Variants in PLXDC2 observed in about 807,000 individuals in gnomAD.
PLXDC2 encodes plexin domain-containing protein 2.
PLXDC2 carries 40 observed loss-of-function variants against 68.9 expected under a neutral mutation model. The observed-to-expected ratio is 0.58, with a 90% confidence interval of 0.45 to 0.76. The LOEUF is 0.76. PLXDC2 is among the 30% of genes least tolerant of loss of function. PLXDC2 has a pLI of 0.00. For synonymous variants in PLXDC2, 243 were observed against 234.2 expected, an observed-to-expected ratio of 1.04 and a Z score of -0.34; for missense variants, 644 against 661.9, an observed-to-expected ratio of 0.97 and a Z score of 0.30.
At position 19,889,729 on chromosome 10, in the gene PLXDC2, C is replaced by T. The variant is rs573728099; in HGVS notation, c.112+72538C>T. On this transcript the variant is annotated intron_variant, in intron 1 of 13. Transcript: ENST00000377252. ...TTTCTTGGCCTTAATTTTAGACATC[C>T]ACAGGCAGGAAAAACATAGATCAAG... Among the ~76,000 whole-genome samples the T allele has an allele frequency of 1.6e-4, 25 of 152,210 alleles. No individual in the cohort carries two copies. The South Asian group carries it at 1.7e-3, about 10-fold the overall frequency.
chr10:20,193,840 G>A (rs1022576291), intron 9 of PLXDC2, among the ~76,000 whole-genome samples: 1 of 152,018 alleles, frequency 6.6e-6, no homozygotes, highest in Non-Finnish European at 1.5e-5. Context: ...CACATGAGCT[G>A]CATAACAGTC....
At chr10:20,059,380 A>T (rs1836058479) in intron 3 of PLXDC2, among the ~76,000 whole-genome samples, 1 of 152,224 alleles carries the variant, frequency 6.6e-6, no homozygotes, top group Admixed American at 6.5e-5. Flanking sequence ...TTTGCTGGGA[A>T]CCATGCAGTG....
chr10:19,840,058 C>T (rs1186498129), intron 1 of PLXDC2, among the ~76,000 whole-genome samples: 7 of 152,144 alleles, frequency 4.6e-5, no homozygotes, highest in African/African-American at 1.7e-4. Flanking sequence ...AGGGTTTGTT[C>T]ACCACTCTCC....
At chr10:20,167,895 C>A (rs549311284) in intron 7 of PLXDC2, among the ~76,000 whole-genome samples, 2 of 152,082 alleles carry the variant, frequency 1.3e-5, no homozygotes, top group African/African-American at 4.8e-5. Flanking sequence ...ATTAAAATTT[C>A]TCCCTATTCA....
chr10:20,277,073 G>T (rs1836016317), intron 13 of PLXDC2, among the ~76,000 whole-genome samples: 2 of 151,990 alleles, frequency 1.3e-5, no homozygotes, highest in South Asian at 4.2e-4. Context: ...GCCGTGTGCT[G>T]TGGTGGGCGG....
chr10:20,060,056 A>G (rs1024603019), intron 3 of PLXDC2, among the ~76,000 whole-genome samples: 3 of 152,048 alleles, frequency 2.0e-5, no homozygotes, highest in Admixed American at 6.6e-5. Context: ...TTTTAGAGAC[A>G]TGGTCTTGCT....
intron 12 of PLXDC2, among the ~76,000 whole-genome samples, chr10:20,244,697 T>C (rs1332362935): frequency 6.6e-6 from 1 of 152,194 alleles, no homozygotes; most frequent in East Asian, 1.9e-4. Context: ...AGCTTTTCCA[T>C]AGGTAACTTT....
At chr10:19,904,761 C>A (rs932826142) in intron 1 of PLXDC2, among the ~76,000 whole-genome samples, 1 of 152,178 alleles carries the variant, frequency 6.6e-6, no homozygotes, top group Non-Finnish European at 1.5e-5. Context: ...GCAAGTGGTC[C>A]TGCCTTCTAT....
At chr10:20,037,942 T>C (rs543877156) in intron 2 of PLXDC2, among the ~76,000 whole-genome samples, 1 of 152,224 alleles carries the variant, frequency 6.6e-6, no homozygotes, top group African/African-American at 2.4e-5. Flanking sequence ...TAATCTAACG[T>C]TTTTAGGAGG....
chr10:20,180,635 CT>C (rs1426248315), intron 9 of PLXDC2, among the ~76,000 whole-genome samples: 1 of 152,012 alleles, frequency 6.6e-6, no homozygotes, highest in East Asian at 1.9e-4. Flanking sequence ...GTGGTAATTA[CT>C]GAACTCTCAA....
intron 4 of PLXDC2, among the ~76,000 whole-genome samples, chr10:20,123,997 G>A (rs1013251080): frequency 8.6e-5 from 13 of 151,756 alleles, no homozygotes; most frequent in Non-Finnish European, 1.9e-4. Context: ...AAGGGGTTGG[G>A]GGTTTCTTGC....
chr10:19,941,361 T>A (rs1287605410), intron 1 of PLXDC2, among the ~76,000 whole-genome samples: 1 of 152,184 alleles, frequency 6.6e-6, no homozygotes, highest in East Asian at 1.9e-4. Context: ...AGAAAGTTAG[T>A]GTCATATGAC....
At chr10:19,818,811 C>T (rs531272192) in intron 1 of PLXDC2, among the ~76,000 whole-genome samples, 3 of 152,102 alleles carry the variant, frequency 2.0e-5, no homozygotes, top group Admixed American at 2.0e-4. Context: ...TACTTATTCA[C>T]GGTATGAATA....
intron 7 of PLXDC2, among the ~76,000 whole-genome samples, chr10:20,168,332 T>C (rs1336330668): frequency 1.3e-5 from 2 of 152,140 alleles, no homozygotes; most frequent in Non-Finnish European, 2.9e-5. Flanking sequence ...ATGCATTACC[T>C]AGCAGAGAGT....
chr10:19,999,394 T>C (rs1025086751), intron 1 of PLXDC2, among the ~76,000 whole-genome samples: 64 of 152,204 alleles, frequency 4.2e-4, no homozygotes, highest in African/African-American at 1.5e-3. Context: ...GTGTTTGTTT[T>C]TTTTTTTTCT....
chr10:19,987,567 T>G (rs1456172253), intron 1 of PLXDC2, among the ~76,000 whole-genome samples: 2 of 151,694 alleles, frequency 1.3e-5, no homozygotes, highest in Non-Finnish European at 2.9e-5. Context: ...GTTTTGTTTT[T>G]TTTTCTTTTT....
chr10:20,172,481 C>A (rs1039145025), intron 7 of PLXDC2, among the ~76,000 whole-genome samples: 10 of 152,110 alleles, frequency 6.6e-5, no homozygotes, highest in Admixed American at 2.0e-4. Flanking sequence ...CTCTTTATTC[C>A]TTAATTGTTT....
At chr10:19,967,924 T>C (rs747208879) in intron 1 of PLXDC2, among the ~76,000 whole-genome samples, 1 of 152,222 alleles carries the variant, frequency 6.6e-6, no homozygotes, top group Admixed American at 6.5e-5. Context: ...CAGATCTGAT[T>C]TCTATCAACT....
intron 9 of PLXDC2, among the ~76,000 whole-genome samples, chr10:20,184,190 G>C (rs1834647981): frequency 6.6e-6 from 1 of 151,582 alleles, no homozygotes; most frequent in Non-Finnish European, 1.5e-5. Flanking sequence ...GCATTTCCCT[G>C]AGTGTACTCT....
Sources: allele counts gnomAD v4.1 joint callset (sites outside exome capture counted in the v4.1 genomes callset), GRCh38; gene constraint gnomAD v4.1.1; transcripts MANE v1.5; gene names NCBI Gene and HGNC (gene_info 2026-07-23, HGNC 2026-07-21).